DUOX1: variants seen among roughly 807,000 people sequenced by gnomAD.
DUOX1 encodes the protein dual oxidase 1.
Under a neutral mutation model 181.8 loss-of-function variants are expected in DUOX1, and 134 were observed. That is an observed-to-expected ratio of 0.74 (90% CI 0.64 to 0.85). DUOX1 has a LOEUF of 0.85. Ranked by LOEUF, DUOX1 falls within the 40% of genes least tolerant of loss-of-function variation. The pLI, the probability that DUOX1 is intolerant of heterozygous loss-of-function variation, is 0.00. For missense variants in DUOX1, 1,814 were observed against 2,064.4 expected (o/e 0.88, Z 2.35); for synonymous variants, 798 against 832.5 (o/e 0.96, Z 0.71).
intron 12 of DUOX1, 120 bp from the exon 13 acceptor site, chr15:45,140,775 T>C (rs1896468435): frequency 1.0e-6 from 1 of 977,274 alleles, no homozygotes; most frequent in South Asian, 1.5e-5. Context: ...TGTATAGGAG[T>C]GAGTTACTGT....
intron 20 of DUOX1, 102 bp downstream of exon 20, chr15:45,148,099 T>TG (rs1896702329): frequency 7.0e-7 from 1 of 1,421,422 alleles, no homozygotes; most frequent in Non-Finnish European, 9.9e-7. Context: ...GAAGGAAGCC[T>TG]CCTCCTTACC....
At chr15:45,154,098 G>C in intron 27 of DUOX1, 98 bp downstream of exon 27, 1 of 1,140,838 alleles carries the variant, frequency 8.8e-7, no homozygotes, top group South Asian at 1.2e-5. Flanking sequence ...CACTCACTCA[G>C]CTCTTCCGGT....
Position 45,134,278 on chromosome 15 carries a change from G to A in DUOX1, c.276G>A (p.Leu92=), listed in dbSNP as rs746848941. ...GGGGCCCTGCAGGGCTGGCCTCCCT[G>A]AGAAACCGCACAGTGTTGGGGGTCT... is the stretch of plus-strand genomic sequence containing the variant. ...ISRGPAGLAS[L]RNRTVLGVFF... is the part of the protein sequence containing the mutation. Residue 92 remains leucine (L), a synonymous_variant, in exon 4 of 34, where the codon CTG becomes CTA. Transcript: ENST00000389037. The A allele has an allele frequency of 3.7e-6, 6 of 1,602,966 alleles. No individual in the cohort carries two copies. Among genetic ancestry groups the A allele is most frequent in the South Asian group, 1.1e-5 (1 of 89,866 alleles).
chr15:45,158,946 G>A (rs1897031738), intron 28 of DUOX1, among the ~76,000 whole-genome samples: 1 of 152,176 alleles, frequency 6.6e-6, no homozygotes. Context: ...ACTGAAGGGA[G>A]TTTCACTTGG....
At chr15:45,144,282 G>C (rs546011106) in intron 17 of DUOX1, 47 bp downstream of exon 17, 1 of 1,602,576 alleles carries the variant, frequency 6.2e-7, no homozygotes, top group Non-Finnish European at 8.5e-7. Flanking sequence ...CCAAGGCCAG[G>C]GAGGCAGCCA....
At chr15:45,152,564 G>A (rs1259876412) in intron 25 of DUOX1, 48 bp downstream of exon 25, 4 of 1,528,564 alleles carry the variant, frequency 2.6e-6, no homozygotes, top group Admixed American at 1.7e-5. Flanking sequence ...TCCCGCCCCC[G>A]CTGACTTCCC....
At chr15:45,134,771 G>A (rs1275669550) in intron 4 of DUOX1, among the ~76,000 whole-genome samples, 1 of 152,174 alleles carries the variant, frequency 6.6e-6, no homozygotes, top group Non-Finnish European at 1.5e-5. Context: ...CCAGTGACAG[G>A]ATTGGTGGCT....
At chr15:45,143,111 A>T in intron 15 of DUOX1, 79 bp from the exon 16 acceptor site, 1 of 1,073,584 alleles carries the variant, frequency 9.3e-7, no homozygotes, top group Middle Eastern at 2.0e-4. Context: ...TGGTATTGCC[A>T]GGTAAGGAGC....
chr15:45,136,301 T>C lies in DUOX1; in HGVS notation c.865-49T>C, dbSNP rs2912246. ...GTCCTTGGGCTCAGACCCTTCCAGG[T>C]CCCTCCCCATCCAACTCGTGCCTCC... On this transcript the variant is annotated intron_variant, in intron 7 of 33. Coordinates refer to ENST00000389037, the MANE Select transcript of DUOX1 (RefSeq NM_175940.3). 3,548 of 1,604,364 alleles carry C rather than the reference T, an allele frequency of 2.2e-3. 4 individuals are homozygous for C. The highest frequency in any genetic ancestry group is 2.7e-3 in the South Asian group (238 of 89,756).
intron 2 of DUOX1, among the ~76,000 whole-genome samples, chr15:45,133,582 C>T (rs1294583819): frequency 2.0e-5 from 3 of 152,192 alleles, no homozygotes; most frequent in African/African-American, 7.2e-5. Flanking sequence ...CTCCAGCCCC[C>T]TCTCCCTCTC....
chr15:45,152,575 C>A, intron 25 of DUOX1, 59 bp downstream of exon 25: 1 of 1,457,850 alleles, frequency 6.9e-7, no homozygotes. Flanking sequence ...CTGACTTCCC[C>A]TCGTATGAGA....
At chr15:45,156,682 C>T (rs112416068) in intron 28 of DUOX1, among the ~76,000 whole-genome samples, 232 of 152,224 alleles carry the variant, frequency 1.5e-3, no homozygotes, top group Non-Finnish European at 2.0e-3. Flanking sequence ...CCACCCACCT[C>T]GGCCTCCCAA....
rs372914227 is a variant in DUOX1, at chr15:45,144,161, A to G, written c.2062A>G (p.Lys688Glu). Residue 688 changes from lysine to glutamate, a missense_variant, in exon 17 of 34, where the codon AAG (lysine) becomes GAG (glutamate). Transcript: ENST00000389037. ...LRTIQLQPPQKVNFVLSSNRG... is the reference protein window; with the variant it reads ...LRTIQLQPPQEVNFVLSSNRG... ...CACCATCCAGCTGCAGCCTCCACAG[A>G]AGGTCAACTTCGTCCTGTCCAGCAA... is the stretch of plus-strand genomic sequence containing the variant. 9.3e-6 allele frequency: 15 copies of G among 1,614,176 alleles called. No individual in the cohort carries two copies. The highest frequency in any genetic ancestry group is 1.7e-5 in the Admixed American group (1 of 60,034).
intron 28 of DUOX1, among the ~76,000 whole-genome samples, chr15:45,160,021 AGGTG>A (rs1897058521): frequency 6.6e-6 from 1 of 152,116 alleles, no homozygotes; most frequent in African/African-American, 2.4e-5. Flanking sequence ...GTTTGGTGGC[AGGTG>A]CCTGTAATCC....
At chr15:45,150,060 A>G (rs1896762771) in intron 21 of DUOX1, among the ~76,000 whole-genome samples, 1 of 152,252 alleles carries the variant, frequency 6.6e-6, no homozygotes, top group African/African-American at 2.4e-5. Flanking sequence ...GAAGAAACCC[A>G]GAGATTCCCA....
chr15:45,152,779 T>G (rs945484531), intron 25 of DUOX1: 2 of 571,572 alleles, frequency 3.5e-6, no homozygotes, highest in African/African-American at 3.7e-5. Flanking sequence ...GCATAATGTG[T>G]CAATTCTCCC....
At chr15:45,140,870 T>C in intron 12 of DUOX1, 25 bp from the exon 13 acceptor site, 1 of 1,609,800 alleles carries the variant, frequency 6.2e-7, no homozygotes, top group South Asian at 1.1e-5. Context: ...TCCTTTCTCT[T>C]ACTTCTGCCC....
At chr15:45,145,369 A>G (rs571135581) in intron 18 of DUOX1, among the ~76,000 whole-genome samples, 1 of 152,256 alleles carries the variant, frequency 6.6e-6, no homozygotes, top group African/African-American at 2.4e-5. Flanking sequence ...ATCCTCACTC[A>G]TCTCAGCCTG....
At chr15:45,141,497 G>A (rs559159025) in intron 14 of DUOX1, 87 bp downstream of exon 14, 81 of 1,374,900 alleles carry the variant, frequency 5.9e-5, no homozygotes, top group African/African-American at 2.1e-4. Flanking sequence ...GTGGCTGAAC[G>A]TCAATCTCTG....
Sources: allele counts gnomAD v4.1 joint callset (sites outside exome capture counted in the v4.1 genomes callset), GRCh38; gene constraint gnomAD v4.1.1; transcripts MANE v1.5; gene names NCBI Gene and HGNC (gene_info 2026-07-23, HGNC 2026-07-21).